TSC22D2: variants seen among roughly 807,000 people sequenced by gnomAD.
TSC22D2 encodes TSC22 domain family member 2.
TSC22D2 carries 5 observed loss-of-function variants against 50.1 expected under a neutral mutation model. That is an observed-to-expected ratio of 0.10 (90% CI 0.05 to 0.21). The LOEUF (loss-of-function observed/expected upper bound fraction) is 0.21, where lower values mean the gene tolerates loss of function less well. TSC22D2 is among the 10% of genes least tolerant of loss of function. TSC22D2 has a pLI of 1.00. For synonymous variants in TSC22D2, 501 were observed against 450.1 expected (o/e 1.11, Z -1.43); for missense variants, 1,003 against 1,015.5 (o/e 0.99, Z 0.17).
intron 1 of TSC22D2, among the ~76,000 whole-genome samples, chr3:150,430,606 T>G (rs1720345362): frequency 6.6e-6 from 1 of 152,210 alleles, no homozygotes; most frequent in African/African-American, 2.4e-5. Flanking sequence ...GTTGATAAGC[T>G]GGTACAAAGT....
Position 150,410,675 on chromosome 3 carries a change from G to T in TSC22D2, c.1325G>T (p.Gly442Val), listed in dbSNP as rs1719512223. 6.4e-7 allele frequency: 1 copy of T among 1,559,228 alleles called. No individual in the cohort carries two copies. Among genetic ancestry groups the T allele is most frequent in the Non-Finnish European group, 8.7e-7 (1 of 1,154,302 alleles). ...QPSEAMAPRT[G>V]PAQGGQVAPC... is the part of the protein sequence containing the mutation. ...AGCGAAGCCATGGCCCCCCGGACGG[G>T]ACCAGCGCAAGGCGGGCAGGTCGCG... The change falls in exon 1 of 3, where the codon GGA (glycine) becomes GTA (valine). Residue 442 changes from glycine to valine, a missense_variant. By Grantham distance (109) the Gly-to-Val change is moderately radical. Around this residue, in one of 6 missense-constraint regions of TSC22D2, gnomAD observed 696 missense variants for 647.8 expected, o/e 1.07. Transcript: ENST00000688009.
chr3:150,447,164 A>T (rs897460351), intron 1 of TSC22D2, among the ~76,000 whole-genome samples: 2 of 152,220 alleles, frequency 1.3e-5, no homozygotes, highest in African/African-American at 4.8e-5. Context: ...CTAAACAAGA[A>T]TGACTTTAAT....
intron 1 of TSC22D2, among the ~76,000 whole-genome samples, chr3:150,435,585 G>C (rs935406514): frequency 1.3e-5 from 2 of 152,140 alleles, no homozygotes; most frequent in Admixed American, 6.5e-5. Flanking sequence ...GGCTATATTA[G>C]TGGGTAGTCT....
At chr3:150,457,726 C>T (rs1480357276) in intron 2 of TSC22D2, among the ~76,000 whole-genome samples, 1 of 152,156 alleles carries the variant, frequency 6.6e-6, no homozygotes, top group South Asian at 2.1e-4. Context: ...ACCTCCACCT[C>T]CCAGGTTCAA....
intron 1 of TSC22D2, among the ~76,000 whole-genome samples, chr3:150,424,524 T>A (rs1720114512): frequency 6.6e-6 from 1 of 152,198 alleles, no homozygotes; most frequent in South Asian, 2.1e-4. Flanking sequence ...ATAATTTGAA[T>A]ATGATATTGA....
chr3:150,443,744 G>T (rs865870858), intron 1 of TSC22D2, among the ~76,000 whole-genome samples: 61 of 152,294 alleles, frequency 4.0e-4, no homozygotes, highest in African/African-American at 1.5e-3. Context: ...AGTAGAGAGT[G>T]AGATTAGTCA....
At chr3:150,458,253 C>T (rs1406799299) in intron 2 of TSC22D2, 123 bp from the exon 3 acceptor site, 1 of 1,039,434 alleles carries the variant, frequency 9.6e-7, no homozygotes, top group Non-Finnish European at 1.4e-6. Flanking sequence ...CAAGATAAAG[C>T]AGAAACATTA....
In TSC22D2 at chr3:150,410,887, G is replaced by T. The variant is rs746055641; in HGVS notation, c.1537G>T (p.Val513Leu). 3.7e-6 allele frequency: 6 copies of T among 1,613,888 alleles called. No homozygotes were observed. In the African/African-American group the frequency reaches 4.0e-5, roughly 11 times the overall value. Residue 513 changes from valine (V) to leucine (L), a missense_variant, in exon 1 of 3, where the codon GTG becomes TTG. By Grantham distance (32) the Val-to-Leu change is conservative. Around this residue, in one of 6 missense-constraint regions of TSC22D2, gnomAD observed 696 missense variants for 647.8 expected, o/e 1.07. Coordinates refer to ENST00000688009, the MANE Select transcript of TSC22D2 (RefSeq NM_001303264.2). ...CGGAGTTCCAAACGTGCCTGCAGCCGTGCCCGCTCCAAGCGTGCCTAGTGT... is the reference window on the plus strand; with the variant it reads ...CGGAGTTCCAAACGTGCCTGCAGCCTTGCCCGCTCCAAGCGTGCCTAGTGT... Reference protein sequence around the residue: ...VPGVPNVPAAVPAPSVPSVST... With the variant: ...VPGVPNVPAALPAPSVPSVST...
chr3:150,443,935 T>G (rs1047975213), intron 1 of TSC22D2, among the ~76,000 whole-genome samples: 2 of 152,218 alleles, frequency 1.3e-5, no homozygotes, highest in African/African-American at 4.8e-5. Context: ...CTTCTATGAT[T>G]TAGTCATCAC....
chr3:150,408,438 A>C lies in TSC22D2; in HGVS notation c.-913A>C, dbSNP rs1306712001. ...AATTTCAGTTTCTTCGGGGTTTAGG[A>C]ATTGGGCGCACCGAGGAGGAGCCGG... On this transcript the variant is annotated 5_prime_UTR_variant, in exon 1 of 3. Coordinates refer to ENST00000688009, the MANE Select transcript of TSC22D2 (RefSeq NM_001303264.2). 1 of 152,506 alleles carries C rather than the reference A, an allele frequency of 6.6e-6. No individual in the cohort carries two copies. The highest frequency in any genetic ancestry group is 6.5e-5 in the Admixed American group (1 of 15,300). The allele number at this position is 152,506 out of a possible 1,614,324, so 9.4% of individuals were successfully genotyped here.
In TSC22D2 at chr3:150,458,569, A is replaced by G; in HGVS notation, c.2204A>G (p.Gln735Arg). The stretch of plus-strand genomic sequence containing the variant: ...AATCCTGGTAGCACTTCTCAACAGC[A>G]AGCAGTGATAGCACAGCCTCCGCAG... Reference protein sequence around the residue: ...QANPGSTSQQQAVIAQPPQPT... With the variant: ...QANPGSTSQQRAVIAQPPQPT... Residue 735 changes from glutamine to arginine, a missense_variant, in exon 3 of 3, where the codon CAA becomes CGA. Transcript: ENST00000688009. 1 of 1,614,192 alleles carries G rather than the reference A, an allele frequency of 6.2e-7. No homozygotes were observed. Among genetic ancestry groups the G allele is most frequent in the Non-Finnish European group, 8.5e-7 (1 of 1,180,024 alleles).
chr3:150,414,264 G>A (rs1007926559), intron 1 of TSC22D2, among the ~76,000 whole-genome samples: 6 of 152,176 alleles, frequency 3.9e-5, no homozygotes, highest in Non-Finnish European at 8.8e-5. Context: ...TTGATTTTGT[G>A]TAAACTCGTG....
intron 1 of TSC22D2, among the ~76,000 whole-genome samples, chr3:150,451,941 C>CT (rs567517998): frequency 1.3e-3 from 204 of 152,180 alleles, no homozygotes; most frequent in Non-Finnish European, 2.2e-3. Flanking sequence ...GTAATGAACC[C>CT]TGAGCTCCTG....
chr3:150,445,853 T>C (rs528699357), intron 1 of TSC22D2, among the ~76,000 whole-genome samples: 2 of 152,220 alleles, frequency 1.3e-5, no homozygotes, highest in South Asian at 4.1e-4. Flanking sequence ...TCCAGCACTT[T>C]GGGAGGCCGA....
At position 150,458,533 on chromosome 3, in the gene TSC22D2, C is replaced by T; in HGVS notation, c.2168C>T (p.Thr723Ile). The T allele has an allele frequency of 6.2e-7, 1 of 1,614,188 alleles. No individual in the cohort carries two copies. The highest frequency in any genetic ancestry group is 8.5e-7 in the Non-Finnish European group (1 of 1,180,028). Reference sequence around the variant, plus strand: ...AATGATCAATTATCCCAACTCCCAACCCAACAGGCCAATCCTGGTAGCACT... The same window carrying T: ...AATGATCAATTATCCCAACTCCCAATCCAACAGGCCAATCCTGGTAGCACT... ...SSNDQLSQLPTQQANPGSTSQ... is the reference protein window; with the variant it reads ...SSNDQLSQLPIQQANPGSTSQ... Residue 723 changes from threonine to isoleucine, a missense_variant, in exon 3 of 3, where the codon ACC (threonine) becomes ATC (isoleucine). Physicochemically the swap from Thr to Ile is moderately conservative, Grantham distance 89. This residue lies in a region of TSC22D2 where 54 missense variants were observed against 51.4 expected (regional missense o/e 1.05). Coordinates refer to ENST00000688009, the MANE Select transcript of TSC22D2 (RefSeq NM_001303264.2).
chr3:150,458,271 G>A, intron 2 of TSC22D2, 105 bp from the exon 3 acceptor site: 1 of 1,198,988 alleles, frequency 8.3e-7, no homozygotes, highest in Non-Finnish European at 1.2e-6. Flanking sequence ...TTAAAAGCAA[G>A]AGCAGGAAAA....
In TSC22D2 at chr3:150,460,490, C is replaced by T. The variant is rs1721362459; in HGVS notation, c.*1854C>T. 6.6e-6 allele frequency: 1 copy of T among 152,106 alleles called. No individual in the cohort carries two copies. Among genetic ancestry groups the T allele is most frequent in the Non-Finnish European group, 1.5e-5 (1 of 68,014 alleles). The allele number at this position is 152,106 out of a possible 1,614,324, so 9.4% of individuals were successfully genotyped here. A position where few individuals can be genotyped will look rare whatever the true frequency, so the allele number is the denominator to read the frequency against. ...TCAGATTAGCCACAAACAAACAAGG[C>T]ATAAAATTGGGATGTACATGAGATT... On this transcript the variant is annotated 3_prime_UTR_variant, in exon 3 of 3. Coordinates refer to ENST00000688009, the MANE Select transcript of TSC22D2 (RefSeq NM_001303264.2).
At chr3:150,451,791 T>G (rs570695606) in intron 1 of TSC22D2, among the ~76,000 whole-genome samples, 1 of 152,336 alleles carries the variant, frequency 6.6e-6, no homozygotes, top group East Asian at 1.9e-4. Flanking sequence ...GTTCTTTTCC[T>G]CTATCTTGTT....
chr3:150,437,167 G>A (rs1466222565), intron 1 of TSC22D2, among the ~76,000 whole-genome samples: 4 of 152,034 alleles, frequency 2.6e-5, no homozygotes, highest in Non-Finnish European at 5.9e-5. Flanking sequence ...ATATTATTCA[G>A]TGATTAACAT....
Sources: allele counts gnomAD v4.1 joint callset (sites outside exome capture counted in the v4.1 genomes callset), GRCh38; gene constraint gnomAD v4.1.1; regional missense constraint gnomAD v4.1.1; transcripts MANE v1.5; gene names NCBI Gene and HGNC (gene_info 2026-07-23, HGNC 2026-07-21).